CHSY3: variants seen among roughly 807,000 people sequenced by gnomAD.
CHSY3 encodes chondroitin sulfate synthase 3, also known as N-acetylgalactosaminyl-proteoglycan 3-beta-glucuronosyltransferase 3.
CHSY3 carries 35 observed loss-of-function variants against 67.2 expected under a neutral mutation model. The observed-to-expected ratio is 0.52, with a 90% CI of 0.40 to 0.69. CHSY3 has a LOEUF of 0.69. CHSY3 is among the 30% of genes least tolerant of loss of function. CHSY3 has a pLI of 0.00. For missense variants in CHSY3, 1,069 were observed against 1,138.5 expected, an observed-to-expected ratio of 0.94 and a Z score of 0.88; for synonymous variants, 474 against 434.7, an observed-to-expected ratio of 1.09 and a Z score of -1.12.
rs542042005 is a variant in CHSY3 at position 130,086,432 on chromosome 5, C to A, written c.1087-97797C>A. On this transcript the variant is annotated intron_variant, in intron 2 of 2. Coordinates refer to ENST00000305031, the MANE Select transcript of CHSY3 (RefSeq NM_175856.5). The stretch of plus-strand genomic sequence containing the variant: ...GTTTTATCAGAGACTAGGATTGCAA[C>A]CCCTGCCTTTTTTTGTTTTCCATTT... 1.9e-3 allele frequency among the ~76,000 whole-genome samples: 285 copies of A among 151,920 alleles called. 1 individual carries two copies. The highest frequency in any genetic ancestry group is 6.6e-3 in the African/African-American group (271 of 41,342).
At chr5:130,174,984 T>A (rs1357760711) in intron 2 of CHSY3, among the ~76,000 whole-genome samples, 1 of 152,020 alleles carries the variant, frequency 6.6e-6, no homozygotes. Flanking sequence ...GATATAATAG[T>A]GGGGTGTTAA....
At chr5:130,096,732 C>T (rs924492678) in intron 2 of CHSY3, among the ~76,000 whole-genome samples, 1 of 151,992 alleles carries the variant, frequency 6.6e-6, no homozygotes. Flanking sequence ...GAGCAACCAC[C>T]ACCTGCAGTT....
At chr5:129,998,866 G>T (rs1763631917) in intron 2 of CHSY3, among the ~76,000 whole-genome samples, 1 of 151,710 alleles carries the variant, frequency 6.6e-6, no homozygotes, top group African/African-American at 2.4e-5. Context: ...TTAGTTGTTT[G>T]GGCTTTTTCT....
intron 2 of CHSY3, among the ~76,000 whole-genome samples, chr5:129,927,515 T>G (rs968257917): frequency 6.6e-6 from 1 of 152,052 alleles, no homozygotes; most frequent in African/African-American, 2.4e-5. Flanking sequence ...GTATGTCGTT[T>G]GCAGAATTGA....
chr5:130,064,339 G>A (rs1765813883), intron 2 of CHSY3, among the ~76,000 whole-genome samples: 1 of 152,058 alleles, frequency 6.6e-6, no homozygotes. Context: ...ATTTTACACG[G>A]AAAAATTGAA....
intron 2 of CHSY3, among the ~76,000 whole-genome samples, chr5:129,931,866 G>A (rs1252234128): frequency 6.6e-6 from 1 of 152,008 alleles, no homozygotes; most frequent in Non-Finnish European, 1.5e-5. Context: ...ATATAACCAA[G>A]TGTAGCTGCA....
intron 2 of CHSY3, among the ~76,000 whole-genome samples, chr5:130,036,730 CAAAT>C (rs1764872315): frequency 6.6e-6 from 1 of 152,100 alleles, no homozygotes; most frequent in South Asian, 2.1e-4. Flanking sequence ...GATTAGTAAA[CAAAT>C]AACTGAGTAA....
chr5:129,928,065 T>C (rs899551432), intron 2 of CHSY3, among the ~76,000 whole-genome samples: 2 of 152,014 alleles, frequency 1.3e-5, no homozygotes, highest in Non-Finnish European at 2.9e-5. Flanking sequence ...AGTTCGGGAG[T>C]ACATGTGCAA....
chr5:129,924,170 C>CA (rs957174826), intron 2 of CHSY3, among the ~76,000 whole-genome samples: 6 of 151,846 alleles, frequency 4.0e-5, no homozygotes, highest in Non-Finnish European at 7.4e-5. Flanking sequence ...AATGAAAAAT[C>CA]AATTTCTGTT....
chr5:130,072,473 A>G (rs1766107175), intron 2 of CHSY3, among the ~76,000 whole-genome samples: 2 of 151,982 alleles, frequency 1.3e-5, no homozygotes, highest in South Asian at 2.1e-4. Flanking sequence ...GATAGTAAAT[A>G]CTTGGGTTTG....
chr5:129,909,453 T>C (rs1760454724), intron 2 of CHSY3, among the ~76,000 whole-genome samples: 1 of 152,076 alleles, frequency 6.6e-6, no homozygotes, highest in Admixed American at 6.5e-5. Flanking sequence ...AGTCTCACTA[T>C]AGTTAATTTT....
At position 130,164,381 on chromosome 5, in the gene CHSY3, G is replaced by A. The variant is rs1769661855; in HGVS notation, c.1087-19848G>A. ...GAAGAAAGGAGGAGTCTACAACATT[G>A]TAGGAGTAAGAAGTCTATATATCAG... On this transcript the variant is annotated intron_variant, in intron 2 of 2. Coordinates refer to ENST00000305031, the MANE Select transcript of CHSY3 (RefSeq NM_175856.5). Among the ~76,000 whole-genome samples, 3 of 152,162 alleles carry A rather than the reference G, an allele frequency of 2.0e-5. No homozygotes were observed. The South Asian group carries it at 6.2e-4, about 32-fold the overall frequency.
intron 2 of CHSY3, among the ~76,000 whole-genome samples, chr5:130,014,606 G>T (rs547576400): frequency 2.6e-5 from 4 of 152,244 alleles, no homozygotes; most frequent in African/African-American, 7.2e-5. Context: ...CCTCCCATGA[G>T]GTCCCTCCAA....
intron 2 of CHSY3, among the ~76,000 whole-genome samples, chr5:130,147,699 A>T (rs1009380703): frequency 6.6e-6 from 1 of 152,198 alleles, no homozygotes; most frequent in African/African-American, 2.4e-5. Context: ...CAGGGAGCTT[A>T]CAATCTGGCA....
chr5:130,059,480 C>A (rs1218723580), intron 2 of CHSY3, among the ~76,000 whole-genome samples: 1 of 151,174 alleles, frequency 6.6e-6, no homozygotes, highest in Non-Finnish European at 1.5e-5. Context: ...TTATTTCCAT[C>A]TTTTCCATTG....
At chr5:129,972,332 C>G (rs1322069818) in intron 2 of CHSY3, among the ~76,000 whole-genome samples, 1 of 151,914 alleles carries the variant, frequency 6.6e-6, no homozygotes, top group Non-Finnish European at 1.5e-5. Flanking sequence ...TTGAAGACCC[C>G]TAACAGTTAT....
chr5:130,158,952 T>C (rs2149727133), intron 2 of CHSY3, among the ~76,000 whole-genome samples: 1 of 151,870 alleles, frequency 6.6e-6, no homozygotes, highest in East Asian at 2.0e-4. Context: ...AGGCATGTGC[T>C]ACCACGTCCT....
intron 2 of CHSY3, among the ~76,000 whole-genome samples, chr5:130,054,300 C>G (rs982896376): frequency 6.6e-6 from 1 of 151,966 alleles, no homozygotes; most frequent in South Asian, 2.1e-4. Flanking sequence ...CTCCTATTTC[C>G]CTGATGATAT....
At chr5:129,940,094 G>A (rs1346698041) in intron 2 of CHSY3, among the ~76,000 whole-genome samples, 1 of 151,948 alleles carries the variant, frequency 6.6e-6, no homozygotes, top group African/African-American at 2.4e-5. Context: ...CCTTTTTCCA[G>A]TTTGGATTAT....
Sources: gnomAD v4.1 joint callset for allele counts (sites outside exome capture counted in the v4.1 genomes callset) on GRCh38, gnomAD v4.1.1 for gene constraint, MANE v1.5 for transcripts, NCBI Gene and HGNC (gene_info 2026-07-23, HGNC 2026-07-21) for gene names.